The following EFCAB6 variants were observed in gnomAD, a reference collection of about 807,000 sequenced individuals.
EFCAB6 encodes EF-hand calcium-binding domain-containing protein 6.
A neutral mutation model predicts 169.8 loss-of-function variants in EFCAB6; 156 were observed. The observed-to-expected ratio is 0.92, with a 90% confidence interval of 0.81 to 1.05. The LOEUF (loss-of-function observed/expected upper bound fraction) is 1.05, where lower values mean the gene tolerates loss of function less well. Ranked by LOEUF, EFCAB6 falls within the 50% of genes least tolerant of loss-of-function variation. EFCAB6 has a pLI of 0.00. For synonymous variants in EFCAB6, 698 were observed against 676.4 expected (o/e 1.03, Z -0.50); for missense variants, 1,800 against 1,829.1 (o/e 0.98, Z 0.29).
chr22:43,768,870 C>A (rs2061392085), intron 4 of EFCAB6, among the ~76,000 whole-genome samples: 1 of 152,162 alleles, frequency 6.6e-6, no homozygotes, highest in Non-Finnish European at 1.5e-5. Context: ...TATTTTAACT[C>A]TCCATTTGGC....
chr22:43,609,111 C>T (rs1205648133), intron 21 of EFCAB6, among the ~76,000 whole-genome samples: 1 of 152,184 alleles, frequency 6.6e-6, no homozygotes, highest in Admixed American at 6.5e-5. Context: ...ACGTGTGGTT[C>T]TCAGCAATGT....
At chr22:43,690,118 T>A (rs1310686222) in intron 10 of EFCAB6, among the ~76,000 whole-genome samples, 1 of 152,138 alleles carries the variant, frequency 6.6e-6, no homozygotes, top group Non-Finnish European at 1.5e-5. Context: ...ACTTAAATTA[T>A]TGCAATAATC....
intron 4 of EFCAB6, among the ~76,000 whole-genome samples, chr22:43,767,240 T>C (rs916466375): frequency 6.6e-6 from 1 of 152,186 alleles, no homozygotes; most frequent in Non-Finnish European, 1.5e-5. Flanking sequence ...AAAGGATGGA[T>C]TGCTGTTTAC....
At chr22:43,639,535 G>A (rs1483964874) in intron 17 of EFCAB6, among the ~76,000 whole-genome samples, 1 of 151,964 alleles carries the variant, frequency 6.6e-6, no homozygotes, top group African/African-American at 2.4e-5. Context: ...TTAAAATGTT[G>A]TTTCCCTGTT....
At chr22:43,542,081 G>A (rs1330603402) in intron 27 of EFCAB6, among the ~76,000 whole-genome samples, 1 of 152,254 alleles carries the variant, frequency 6.6e-6, no homozygotes, top group Non-Finnish European at 1.5e-5. Flanking sequence ...GGAGGACCCG[G>A]TAGGCTTGCA....
chr22:43,540,064 C>A (rs2047607140), intron 28 of EFCAB6, 63 bp downstream of exon 28: 2 of 1,578,230 alleles, frequency 1.3e-6, no homozygotes, highest in Non-Finnish European at 1.7e-6. Context: ...CAAAGTCCCC[C>A]CAGTGGGATT....
chr22:43,687,464 TA>T lies in EFCAB6; in HGVS notation c.1142+6del. The T allele has an allele frequency of 1.4e-6, 2 of 1,422,214 alleles. No individual in the cohort carries two copies. The highest frequency in any genetic ancestry group is 1.9e-6 in the Non-Finnish European group (2 of 1,046,336). 88.1% of individuals were successfully genotyped at this position (1,422,214 alleles called of 1,614,324 possible). ...TAAAATTTGTTTTTTTTTTTTTTTTTACATACCTATTTCTTTTTGTCAGGGG... is the reference window on the plus strand; with the variant it reads ...TAAAATTTGTTTTTTTTTTTTTTTTTCATACCTATTTCTTTTTGTCAGGGG... On this transcript the variant is annotated splice_donor_region_variant and intron_variant, in intron 11 of 31. Transcript: ENST00000262726.
At chr22:43,718,885 A>G (rs1319734970) in intron 8 of EFCAB6, among the ~76,000 whole-genome samples, 5 of 152,198 alleles carry the variant, frequency 3.3e-5, no homozygotes, top group African/African-American at 1.2e-4. Flanking sequence ...AGGACATTTG[A>G]GCTGCAAGGG....
At chr22:43,645,694 A>C (rs553093261) in intron 17 of EFCAB6, among the ~76,000 whole-genome samples, 2 of 152,216 alleles carry the variant, frequency 1.3e-5, no homozygotes, top group Non-Finnish European at 1.5e-5. Flanking sequence ...CGCATTGTGC[A>C]TTGTGACACA....
intron 10 of EFCAB6, among the ~76,000 whole-genome samples, chr22:43,703,103 C>G (rs112336170): frequency 0.012 from 1,846 of 152,308 alleles, 18 homozygotes; most frequent in African/African-American, 0.015. Context: ...TCCTGCAACC[C>G]TGTCCAACTG....
At chr22:43,770,885 A>G (rs1378586472) in intron 4 of EFCAB6, among the ~76,000 whole-genome samples, 1 of 150,810 alleles carries the variant, frequency 6.6e-6, no homozygotes, top group African/African-American at 2.4e-5. Flanking sequence ...ATGCATAAGA[A>G]GAAACAACAA....
In EFCAB6 at chr22:43,683,848, A is replaced by C. The variant is rs6006438; in HGVS notation, c.1150T>G (p.Ser384Ala). 1.5e-3 allele frequency: 2,344 copies of C among 1,606,790 alleles called. 35 individuals carry two copies. In the African/African-American group the frequency reaches 0.029, roughly 20 times the overall value. ...TTTTCCTTGTGAGATTCATTTCTAG[A>C]GTTGATGCTACAAGAGGATTAGGAG... ...GPLTKRNSINSRNESHKENII... is the reference protein window; with the variant it reads ...GPLTKRNSINARNESHKENII... Residue 384 changes from serine to alanine, a missense_variant, in exon 12 of 32, where the codon TCT (serine) becomes GCT (alanine). Coordinates refer to ENST00000262726, the MANE Select transcript of EFCAB6 (RefSeq NM_022785.4).
intron 2 of EFCAB6, among the ~76,000 whole-genome samples, chr22:43,797,517 C>A (rs1031604498): frequency 3.3e-5 from 5 of 152,062 alleles, no homozygotes; most frequent in Admixed American, 6.6e-5. Context: ...ACGTGAATTT[C>A]ACACTAAATT....
chr22:43,684,781 T>C (rs950576106), intron 11 of EFCAB6, among the ~76,000 whole-genome samples: 1 of 152,186 alleles, frequency 6.6e-6, no homozygotes, highest in Non-Finnish European at 1.5e-5. Context: ...AGCACTGGCA[T>C]GAAGAGATGC....
intron 3 of EFCAB6, among the ~76,000 whole-genome samples, chr22:43,775,806 C>T (rs563575075): frequency 1.3e-4 from 20 of 152,316 alleles, no homozygotes; most frequent in African/African-American, 4.8e-4. Context: ...GGCCAAGGAG[C>T]CACCCTGGCA....
chr22:43,723,592 A>G (rs760151765), intron 8 of EFCAB6, among the ~76,000 whole-genome samples: 5 of 152,226 alleles, frequency 3.3e-5, no homozygotes, highest in Admixed American at 6.5e-5. Context: ...TCCAGACAAA[A>G]AGATCAAATT....
intron 27 of EFCAB6, among the ~76,000 whole-genome samples, chr22:43,544,710 C>A (rs371342366): frequency 2.6e-5 from 4 of 152,074 alleles, no homozygotes; most frequent in African/African-American, 9.6e-5. Context: ...GATCCTAATA[C>A]CCTTCAAAAA....
At chr22:43,746,003 T>G (rs897763787) in intron 6 of EFCAB6, among the ~76,000 whole-genome samples, 2 of 152,300 alleles carry the variant, frequency 1.3e-5, no homozygotes, top group East Asian at 1.9e-4. Flanking sequence ...CTCTGCAGAG[T>G]ATTGGCTTCC....
intron 28 of EFCAB6, among the ~76,000 whole-genome samples, chr22:43,538,573 G>A (rs963233868): frequency 2.0e-5 from 3 of 152,134 alleles, no homozygotes; most frequent in Non-Finnish European, 4.4e-5. Flanking sequence ...ATTTTCAGTA[G>A]AGATGGGGTT....
Sources: gnomAD v4.1 joint callset for allele counts (sites outside exome capture counted in the v4.1 genomes callset) on GRCh38, gnomAD v4.1.1 for gene constraint, MANE v1.5 for transcripts, NCBI Gene and HGNC (gene_info 2026-07-23, HGNC 2026-07-21) for gene names.